PDE4B: variants seen among roughly 807,000 people sequenced by gnomAD.
The protein encoded by PDE4B is 3',5'-cyclic-AMP phosphodiesterase 4B.
A neutral mutation model predicts 82.2 loss-of-function variants in PDE4B; 20 were observed. That is an observed-to-expected ratio of 0.24 (90% CI 0.17 to 0.35). PDE4B has a LOEUF of 0.35. Ranked by LOEUF, PDE4B falls within the 10% of genes least tolerant of loss-of-function variation. The probability of loss-of-function intolerance (pLI) is 1.00; values close to 1 mark genes in which losing one functional copy is unlikely to be tolerated. For missense variants in PDE4B, 655 were observed against 907.2 expected, an observed-to-expected ratio of 0.72 and a Z score of 3.57; for synonymous variants, 320 against 318.9, an observed-to-expected ratio of 1.00 and a Z score of -0.04.
At chr1:66,243,807 C>T (rs1176967532) in intron 3 of PDE4B, among the ~76,000 whole-genome samples, 1 of 152,130 alleles carries the variant, frequency 6.6e-6, no homozygotes, top group Non-Finnish European at 1.5e-5. Context: ...GGGATATTGG[C>T]AGAGGCAGGG....
chr1:66,271,416 T>A (rs1342956995), intron 7 of PDE4B, among the ~76,000 whole-genome samples: 1 of 152,178 alleles, frequency 6.6e-6, no homozygotes, highest in African/African-American at 2.4e-5. Context: ...GAATCATGCA[T>A]GTTAGTAAGT....
intron 3 of PDE4B, among the ~76,000 whole-genome samples, chr1:66,031,786 T>G (rs1344718900): frequency 6.6e-6 from 1 of 151,038 alleles, no homozygotes; most frequent in East Asian, 2.0e-4. Flanking sequence ...TTTTTTCTCC[T>G]GTCAACAATA....
At chr1:66,243,099 A>G (rs1653011556) in intron 3 of PDE4B, among the ~76,000 whole-genome samples, 1 of 152,258 alleles carries the variant, frequency 6.6e-6, no homozygotes, top group African/African-American at 2.4e-5. Flanking sequence ...ATTTCTATGC[A>G]GATTTGTTTT....
chr1:66,281,796 A>C (rs564107659), intron 7 of PDE4B, among the ~76,000 whole-genome samples: 1 of 152,338 alleles, frequency 6.6e-6, no homozygotes, highest in African/African-American at 2.4e-5. Context: ...TATCCTCAAC[A>C]ACCTTCTATT....
chr1:66,330,811 C>A, intron 7 of PDE4B: 1 of 984,096 alleles, frequency 1.0e-6, no homozygotes, highest in Non-Finnish European at 1.2e-6. Flanking sequence ...GGCAGCATTG[C>A]AAAATTGAAG....
chr1:66,355,509 T>G lies in PDE4B; in HGVS notation c.748-18T>G. The G allele has an allele frequency of 2.6e-6, 4 of 1,553,832 alleles. No homozygotes were observed. Among genetic ancestry groups the G allele is most frequent in the Non-Finnish European group, 3.5e-6 (4 of 1,128,742 alleles). On this transcript the variant is annotated intron_variant, in intron 8 of 16. Coordinates refer to ENST00000341517, the MANE Select transcript of PDE4B (RefSeq NM_002600.4). ...CTCTTTTTAAAGTGGTTAATGCATT[T>G]TTGTTCTTTATAAACAGTTCAAAAG...
intron 7 of PDE4B, among the ~76,000 whole-genome samples, chr1:66,315,047 AC>A (rs1557695791): frequency 6.6e-6 from 1 of 152,200 alleles, no homozygotes; most frequent in Non-Finnish European, 1.5e-5. Context: ...ACTGGGACCT[AC>A]TGTTAAGTCC....
At chr1:66,172,324 A>T (rs993614469) in intron 3 of PDE4B, among the ~76,000 whole-genome samples, 1 of 152,152 alleles carries the variant, frequency 6.6e-6, no homozygotes. Context: ...GTGTATATGT[A>T]CCACATTTTC....
chr1:66,276,422 C>T (rs1215798211), intron 7 of PDE4B, among the ~76,000 whole-genome samples: 1 of 152,188 alleles, frequency 6.6e-6, no homozygotes, highest in Non-Finnish European at 1.5e-5. Flanking sequence ...CTGTCTCTGC[C>T]TCCATCCCAC....
At chr1:66,304,009 C>T (rs12134941) in intron 7 of PDE4B, among the ~76,000 whole-genome samples, 3 of 152,054 alleles carry the variant, frequency 2.0e-5, no homozygotes, top group Non-Finnish European at 2.9e-5. Flanking sequence ...GATAGAATAT[C>T]GTAAATATGG....
At chr1:66,015,735 T>C (rs1240344750) in intron 3 of PDE4B, among the ~76,000 whole-genome samples, 1 of 152,158 alleles carries the variant, frequency 6.6e-6, no homozygotes, top group Non-Finnish European at 1.5e-5. Context: ...TGAAATCAAA[T>C]TAATATTTCT....
At chr1:66,101,254 CAA>C (rs1411338229) in intron 3 of PDE4B, among the ~76,000 whole-genome samples, 1 of 152,142 alleles carries the variant, frequency 6.6e-6, no homozygotes, top group Non-Finnish European at 1.5e-5. Context: ...GGGTTGGTTT[CAA>C]GTCTTTGCTA....
intron 3 of PDE4B, among the ~76,000 whole-genome samples, chr1:65,990,236 C>T (rs748865040): frequency 6.6e-6 from 1 of 152,116 alleles, no homozygotes. Flanking sequence ...TATAATTGCA[C>T]TATTGTACTG....
intron 1 of PDE4B, among the ~76,000 whole-genome samples, chr1:65,797,301 C>T (rs1271676752): frequency 6.6e-6 from 1 of 152,198 alleles, no homozygotes; most frequent in African/African-American, 2.4e-5. Flanking sequence ...ATAATTCCAA[C>T]ATCTGATTCA....
intron 3 of PDE4B, among the ~76,000 whole-genome samples, chr1:66,056,571 G>A (rs1278464045): frequency 6.6e-6 from 1 of 150,418 alleles, no homozygotes. Flanking sequence ...CCTTACTTGG[G>A]AAGAAACTTT....
At chr1:66,349,780 G>T (rs966965101) in intron 8 of PDE4B, among the ~76,000 whole-genome samples, 1 of 152,134 alleles carries the variant, frequency 6.6e-6, no homozygotes, top group African/African-American at 2.4e-5. Context: ...GAAATTGTTA[G>T]TTTCATAAGG....
At chr1:66,289,317 G>A (rs1656903273) in intron 7 of PDE4B, among the ~76,000 whole-genome samples, 1 of 152,002 alleles carries the variant, frequency 6.6e-6, no homozygotes, top group African/African-American at 2.4e-5. Context: ...GGACCAGGAG[G>A]GAGAGACAGA....
chr1:66,331,207 T>A (rs1475012004), intron 7 of PDE4B, among the ~76,000 whole-genome samples: 1 of 152,218 alleles, frequency 6.6e-6, no homozygotes, highest in African/African-American at 2.4e-5. Context: ...TATAAATGTA[T>A]AAAAATGTCT....
chr1:66,173,885 A>G (rs1646883927), intron 3 of PDE4B, among the ~76,000 whole-genome samples: 1 of 152,134 alleles, frequency 6.6e-6, no homozygotes, highest in Non-Finnish European at 1.5e-5. Context: ...TCTTGGGCTC[A>G]AAGCAATCCT....
Sources: allele counts gnomAD v4.1 joint callset (sites outside exome capture counted in the v4.1 genomes callset), GRCh38; gene constraint gnomAD v4.1.1; transcripts MANE v1.5; gene names NCBI Gene and HGNC (gene_info 2026-07-23, HGNC 2026-07-21).